The following INPP5A variants were observed in gnomAD, a reference collection of about 807,000 sequenced individuals.
INPP5A encodes 43 kDa inositol polyphosphate 5-phophatase.
In INPP5A, 14 loss-of-function variants were observed where a neutral mutation model predicts 65.2. That is an observed-to-expected ratio of 0.21 (90% confidence interval 0.14 to 0.34). The LOEUF (loss-of-function observed/expected upper bound fraction) is 0.34, where lower values mean the gene tolerates loss of function less well. Ranked by LOEUF, INPP5A falls within the 10% of genes least tolerant of loss-of-function variation. The probability of loss-of-function intolerance (pLI) is 1.00; values close to 1 mark genes in which losing one functional copy is unlikely to be tolerated. For synonymous variants in INPP5A, 207 were observed against 208.3 expected (o/e 0.99, Z 0.05); for missense variants, 431 against 545.6 (o/e 0.79, Z 2.09).
intron 11 of INPP5A, among the ~76,000 whole-genome samples, chr10:132,764,902 C>T (rs528813300): frequency 2.1e-3 from 252 of 120,704 alleles, no homozygotes; most frequent in Middle Eastern, 6.3e-3. Context: ...CTCAGGAACA[C>T]GGTCGGGCCA....
At chr10:132,609,446 AC>A (rs953346841) in intron 2 of INPP5A, among the ~76,000 whole-genome samples, 15 of 151,526 alleles carry the variant, frequency 9.9e-5, no homozygotes, top group Admixed American at 2.6e-4. Flanking sequence ...TGTCGGGGAG[AC>A]CCACATCCTT....
chr10:132,640,936 C>T (rs1052474441), intron 2 of INPP5A, among the ~76,000 whole-genome samples: 7 of 152,176 alleles, frequency 4.6e-5, no homozygotes, highest in East Asian at 3.9e-4. Flanking sequence ...CGTCGAGATC[C>T]GACGTGGGTT....
chr10:132,636,590 C>T (rs907670031), intron 2 of INPP5A, among the ~76,000 whole-genome samples: 2 of 152,346 alleles, frequency 1.3e-5, no homozygotes, highest in South Asian at 2.1e-4. Context: ...CACCCCCAGT[C>T]GCTCCTGTCC....
chr10:132,767,036 C>T (rs1340847954), intron 12 of INPP5A, among the ~76,000 whole-genome samples: 4 of 100,280 alleles, frequency 4.0e-5, no homozygotes, highest in African/African-American at 1.6e-4. Context: ...CTGGAGGATG[C>T]GGCCTTGGAG....
At chr10:132,696,399 C>G (rs1005000340) in intron 5 of INPP5A, among the ~76,000 whole-genome samples, 3 of 152,200 alleles carry the variant, frequency 2.0e-5, no homozygotes, top group African/African-American at 7.2e-5. Context: ...AGAGCCTGCA[C>G]TTCCTGACTT....
chr10:132,773,433 C>T (rs1379434221), intron 12 of INPP5A, among the ~76,000 whole-genome samples: 4 of 152,188 alleles, frequency 2.6e-5, no homozygotes, highest in African/African-American at 9.7e-5. Flanking sequence ...AACCAGAGGT[C>T]GTCTCTCTTT....
chr10:132,748,637 T>C (rs1846415061), intron 9 of INPP5A, among the ~76,000 whole-genome samples: 1 of 152,202 alleles, frequency 6.6e-6, no homozygotes, highest in Non-Finnish European at 1.5e-5. Context: ...CAGGCCTCAA[T>C]GTAATCCTTC....
intron 4 of INPP5A, among the ~76,000 whole-genome samples, chr10:132,670,364 C>T (rs1299976596): frequency 2.1e-5 from 1 of 46,826 alleles, no homozygotes; most frequent in Non-Finnish European, 4.8e-5. Context: ...CCTGACCCCA[C>T]CCCCCCGACC....
rs1479343436 is a variant in INPP5A at position 132,547,010 on chromosome 10, G to A, written c.75+8839G>A. The stretch of plus-strand genomic sequence containing the variant: ...CCCCTCTCGGGGTCCCGCATGACTG[G>A]TCCTCATTCCAGGAACCAGAGGAGA... On this transcript the variant is annotated intron_variant, in intron 1 of 15. Transcript: ENST00000368594. This position sits in a 1 kb window ranked among gnomAD's most constrained non-coding sequence, Gnocchi z 5.5. Among the ~76,000 whole-genome samples, 1 of 152,284 alleles carries A rather than the reference G, an allele frequency of 6.6e-6. No homozygotes were observed. The highest frequency in any genetic ancestry group is 1.9e-4 in the East Asian group (1 of 5,172).
At chr10:132,563,896 T>A (rs1475995141) in intron 1 of INPP5A, among the ~76,000 whole-genome samples, 1 of 152,188 alleles carries the variant, frequency 6.6e-6, no homozygotes, top group East Asian at 1.9e-4. Flanking sequence ...GTGGCTCATG[T>A]CCACTCTACT....
At chr10:132,668,718 C>T (rs887901340) in intron 4 of INPP5A, among the ~76,000 whole-genome samples, 1 of 152,138 alleles carries the variant, frequency 6.6e-6, no homozygotes. Flanking sequence ...TTATTCTCTT[C>T]CGTAGGATTT....
chr10:132,612,029 T>C (rs1590867605), intron 2 of INPP5A, among the ~76,000 whole-genome samples: 5 of 100,762 alleles, frequency 5.0e-5, no homozygotes, highest in South Asian at 3.6e-4. Flanking sequence ...GGAGAGGCCC[T>C]GTCAAGAGGA....
chr10:132,630,812 G>T (rs1460900519), intron 2 of INPP5A, among the ~76,000 whole-genome samples: 1 of 151,886 alleles, frequency 6.6e-6, no homozygotes, highest in Non-Finnish European at 1.5e-5. Context: ...GGGGCGGCGG[G>T]GGACGTGCTT....
At chr10:132,558,168 A>C (rs1273710027) in intron 1 of INPP5A, among the ~76,000 whole-genome samples, 1 of 152,176 alleles carries the variant, frequency 6.6e-6, no homozygotes, top group Non-Finnish European at 1.5e-5. Context: ...TCAGCAGGGA[A>C]GGGGCGCTCT....
At position 132,538,299 on chromosome 10, in the gene INPP5A, C is replaced by CG; in HGVS notation, c.75+128_75+129insG. The CG allele has an allele frequency of 2.5e-6, 1 of 396,198 alleles. No homozygotes were observed. Among genetic ancestry groups the CG allele is most frequent in the Non-Finnish European group, 3.9e-6 (1 of 254,500 alleles). The allele number at this position is 396,198 out of a possible 1,614,324, so 24.5% of individuals were successfully genotyped here. A position where few individuals can be genotyped will look rare whatever the true frequency, so the allele number is the denominator to read the frequency against. On this transcript the variant is annotated intron_variant, in intron 1 of 15. Transcript: ENST00000368594. This position sits in a 1 kb window ranked among gnomAD's most constrained non-coding sequence, Gnocchi z 4.1. ...ACCCAGAGGCCCCAGACTCTGATCC[C>CG]TGTACCCGGGACCCCAGACTCCTGT...
intron 8 of INPP5A, among the ~76,000 whole-genome samples, chr10:132,717,608 G>T (rs982410648): frequency 1.3e-5 from 2 of 150,090 alleles, no homozygotes; most frequent in South Asian, 2.1e-4. Context: ...TGGTACCTGG[G>T]TTCTTTCTGG....
At chr10:132,775,753 G>C (rs1847053455) in intron 12 of INPP5A, among the ~76,000 whole-genome samples, 1 of 152,194 alleles carries the variant, frequency 6.6e-6, no homozygotes, top group Non-Finnish European at 1.5e-5. Flanking sequence ...CCAGAGCCCA[G>C]TCTGTCTGAG....
rs1287649372 is a variant in INPP5A, at chr10:132,550,577, C to T, written c.75+12406C>T. ...CGTGCTGAGAGGGCCTGGCTGTGAG[C>T]CGCATGGTACGAACCTTCTGAATGC... On this transcript the variant is annotated intron_variant, in intron 1 of 15. Coordinates refer to ENST00000368594, the MANE Select transcript of INPP5A (RefSeq NM_005539.5). The surrounding 1 kb of genome is among the most constrained non-coding windows in gnomAD (Gnocchi z 4.2). Among the ~76,000 whole-genome samples the T allele has an allele frequency of 1.3e-5, 2 of 152,240 alleles. No individual in the cohort carries two copies. Among genetic ancestry groups the T allele is most frequent in the African/African-American group, 4.8e-5 (2 of 41,454 alleles).
intron 1 of INPP5A, among the ~76,000 whole-genome samples, chr10:132,595,220 A>G (rs1220272712): frequency 1.3e-5 from 2 of 152,218 alleles, no homozygotes; most frequent in African/African-American, 4.8e-5. Flanking sequence ...TGCATTGGCC[A>G]CAGCGAGGAA....
Sources: gnomAD v4.1 joint callset for allele counts (sites outside exome capture counted in the v4.1 genomes callset) on GRCh38, gnomAD v4.1.1 for gene constraint, Gnocchi (gnomAD v3.1) non-coding constraint, MANE v1.5 for transcripts, NCBI Gene and HGNC (gene_info 2026-07-23, HGNC 2026-07-21) for gene names.